Variants in L3MBTL3 observed in about 807,000 individuals in gnomAD.
The protein encoded by L3MBTL3 is L3MBTL histone methyl-lysine binding protein 3, also known as lethal(3)malignant brain tumor-like protein 3.
A neutral mutation model predicts 102.3 loss-of-function variants in L3MBTL3; 27 were observed. The ratio of observed to expected loss-of-function variants is 0.26; its 90% confidence interval spans 0.19 to 0.36. The LOEUF (loss-of-function observed/expected upper bound fraction) is 0.36. L3MBTL3 is among the 10% of genes least tolerant of loss of function. The pLI, the probability that L3MBTL3 is intolerant of heterozygous loss-of-function variation, is 1.00. For missense variants in L3MBTL3, 798 were observed against 955.3 expected (o/e 0.84, Z 2.17); for synonymous variants, 340 against 320.9 (o/e 1.06, Z -0.64).
intron 20 of L3MBTL3, among the ~76,000 whole-genome samples, chr6:130,124,817 G>A (rs1233475981): frequency 4.0e-5 from 6 of 151,806 alleles, no homozygotes; most frequent in Non-Finnish European, 8.8e-5. Context: ...CTAAAAATAC[G>A]AAATCAGCCG....
Position 130,052,841 on chromosome 6 carries a change from G to T in L3MBTL3, c.450-18G>T. Reference sequence around the variant, plus strand: ...GGTATTGTCTCTTGTCACTATTTTGGGTTTATAAACACAACAGAGATCAGA... The same window carrying T: ...GGTATTGTCTCTTGTCACTATTTTGTGTTTATAAACACAACAGAGATCAGA... On this transcript the variant is annotated intron_variant, in intron 6 of 22. Transcript: ENST00000361794. 2 of 1,605,590 alleles carry T rather than the reference G, an allele frequency of 1.2e-6. No homozygotes were observed. Among genetic ancestry groups the T allele is most frequent in the South Asian group, 1.1e-5 (1 of 89,910 alleles).
chr6:130,119,917 A>G (rs1483608315), intron 19 of L3MBTL3, among the ~76,000 whole-genome samples: 1 of 152,218 alleles, frequency 6.6e-6, no homozygotes, highest in Non-Finnish European at 1.5e-5. Context: ...GTGCCTTTGT[A>G]ATTAAAACTA....
At chr6:130,125,044 C>T (rs1038454138) in intron 20 of L3MBTL3, among the ~76,000 whole-genome samples, 1 of 152,084 alleles carries the variant, frequency 6.6e-6, no homozygotes, top group Non-Finnish European at 1.5e-5. Context: ...GTTAAACAGT[C>T]GTCTTAGTAC....
At chr6:130,096,543 A>G (rs891325026) in intron 18 of L3MBTL3, among the ~76,000 whole-genome samples, 7 of 152,202 alleles carry the variant, frequency 4.6e-5, no homozygotes, top group South Asian at 2.1e-4. Flanking sequence ...GGCAGTGTCC[A>G]TGGTCTCCTT....
intron 2 of L3MBTL3, among the ~76,000 whole-genome samples, chr6:130,034,930 C>T (rs1779956759): frequency 1.3e-5 from 2 of 152,198 alleles, no homozygotes; most frequent in Non-Finnish European, 2.9e-5. Flanking sequence ...CCGTACACCT[C>T]CTCCTCTCAT....
intron 14 of L3MBTL3, 59 bp from the exon 15 acceptor site, chr6:130,083,561 T>C: frequency 1.4e-6 from 1 of 712,138 alleles, no homozygotes; most frequent in South Asian, 1.8e-5. Flanking sequence ...GTTGGACAGT[T>C]TGTTATTCTT....
chr6:130,110,286 G>A (rs1785269022), intron 19 of L3MBTL3, among the ~76,000 whole-genome samples: 1 of 152,142 alleles, frequency 6.6e-6, no homozygotes, highest in Non-Finnish European at 1.5e-5. Flanking sequence ...AAATTACTTT[G>A]GGCAGTATGG....
At chr6:130,104,058 C>T (rs1290342756) in intron 18 of L3MBTL3, among the ~76,000 whole-genome samples, 1 of 152,158 alleles carries the variant, frequency 6.6e-6, no homozygotes, top group East Asian at 1.9e-4. Flanking sequence ...AAATCTGCTC[C>T]ATTAACCAAT....
At chr6:130,047,591 A>G (rs1780808704) in intron 3 of L3MBTL3, among the ~76,000 whole-genome samples, 1 of 152,254 alleles carries the variant, frequency 6.6e-6, no homozygotes, top group Admixed American at 6.5e-5. Context: ...TTGTCAAATA[A>G]GCATAAATTA....
At chr6:130,109,586 C>T (rs1395347417) in intron 19 of L3MBTL3, among the ~76,000 whole-genome samples, 1 of 151,956 alleles carries the variant, frequency 6.6e-6, no homozygotes, top group Non-Finnish European at 1.5e-5. Flanking sequence ...GTTTAAGTTC[C>T]TTATAGATTC....
chr6:130,026,471 A>G (rs1037294472), intron 2 of L3MBTL3, among the ~76,000 whole-genome samples: 1 of 152,208 alleles, frequency 6.6e-6, no homozygotes, highest in Non-Finnish European at 1.5e-5. Flanking sequence ...TTTAAAAACA[A>G]CACATTTCCA....
intron 7 of L3MBTL3, among the ~76,000 whole-genome samples, chr6:130,053,871 A>G (rs1023351239): frequency 6.6e-6 from 1 of 152,216 alleles, no homozygotes; most frequent in Non-Finnish European, 1.5e-5. Context: ...CTGAGAATAC[A>G]GGGATGCATA....
chr6:130,023,355 A>G (rs1356557060), intron 2 of L3MBTL3, among the ~76,000 whole-genome samples: 3 of 152,238 alleles, frequency 2.0e-5, no homozygotes, highest in Non-Finnish European at 2.9e-5. Context: ...CCATGTGGAT[A>G]TGCAGCAGAG....
chr6:130,108,642 AT>A (rs927444775), intron 19 of L3MBTL3, among the ~76,000 whole-genome samples: 19 of 147,014 alleles, frequency 1.3e-4, no homozygotes, highest in Middle Eastern at 3.3e-3. Context: ...TGTTTACTAT[AT>A]TTTTTTTTTG....
intron 19 of L3MBTL3, among the ~76,000 whole-genome samples, chr6:130,107,304 A>C (rs1004989707): frequency 1.3e-4 from 20 of 152,340 alleles, no homozygotes; most frequent in Middle Eastern, 3.4e-3. Context: ...AGACTTTCTA[A>C]CTATTTATTT....
intron 2 of L3MBTL3, among the ~76,000 whole-genome samples, chr6:130,029,989 A>G (rs1025876343): frequency 2.1e-4 from 32 of 151,940 alleles, no homozygotes; most frequent in Admixed American, 3.9e-4. Flanking sequence ...ACGCCCAACT[A>G]ATTTTTGTAT....
intron 15 of L3MBTL3, among the ~76,000 whole-genome samples, chr6:130,084,007 G>T (rs895511467): frequency 6.6e-6 from 1 of 152,022 alleles, no homozygotes; most frequent in Admixed American, 6.6e-5. Context: ...TGTCTTTTTA[G>T]CTAGATGTTC....
At chr6:130,019,020 G>A (rs1371441276) in intron 1 of L3MBTL3, among the ~76,000 whole-genome samples, 2 of 152,098 alleles carry the variant, frequency 1.3e-5, no homozygotes, top group Admixed American at 6.5e-5. Context: ...GGGGGGAGGA[G>A]AGACTTGTAT....
chr6:130,135,425 G>A (rs1262722422), intron 22 of L3MBTL3, among the ~76,000 whole-genome samples: 5 of 151,964 alleles, frequency 3.3e-5, no homozygotes, highest in Non-Finnish European at 7.4e-5. Flanking sequence ...GGTCTGTCTT[G>A]GAAAATGTCA....
Sources: gnomAD v4.1 joint callset for allele counts (sites outside exome capture counted in the v4.1 genomes callset) on GRCh38, gnomAD v4.1.1 for gene constraint, MANE v1.5 for transcripts, NCBI Gene and HGNC (gene_info 2026-07-23, HGNC 2026-07-21) for gene names.